The following HDLBP variants were observed in gnomAD, a reference collection of about 807,000 sequenced individuals.
HDLBP encodes the protein vigilin.
In HDLBP, 30 loss-of-function variants were observed where a neutral mutation model predicts 137.3. That is an observed-to-expected ratio of 0.22 (90% CI 0.16 to 0.30). The LOEUF (loss-of-function observed/expected upper bound fraction) is 0.30, where lower values mean the gene tolerates loss of function less well. HDLBP is among the 10% of genes least tolerant of loss of function. The pLI is 1.00. For missense variants in HDLBP, 1,119 were observed against 1,667.3 expected, an observed-to-expected ratio of 0.67 and a Z score of 5.73; for synonymous variants, 606 against 596.0, an observed-to-expected ratio of 1.02 and a Z score of -0.24.
Position 241,229,832 on chromosome 2 carries a change from CCTT to C in HDLBP, c.3718_3720del (p.Lys1240del), listed in dbSNP as rs1322969975. The C allele has an allele frequency of 2.1e-6, 3 of 1,419,174 alleles. No homozygotes were observed. Among genetic ancestry groups the C allele is most frequent in the South Asian group, 1.2e-5 (1 of 83,878 alleles). The allele number at this position is 1,419,174 out of a possible 1,614,324, so 87.9% of individuals were successfully genotyped here. ...CAGGAGGGCAGAAGCCCGCATCTGA[CCTT>C]CTCACTGCTGCTGGCGGTCCAGGGT... On this transcript the variant is annotated inframe_deletion and splice_region_variant, in exon 27 of 28. Coordinates refer to ENST00000310931, the MANE Select transcript of HDLBP (RefSeq NM_005336.6).
At position 241,229,870 on chromosome 2, in the gene HDLBP, A is replaced by G; in HGVS notation, c.3683T>C (p.Val1228Ala). ...EAKAPSRGFVVRDAPWTASSS... is the reference protein window; with the variant it reads ...EAKAPSRGFVARDAPWTASSS... ...GCTGGCGGTCCAGGGTGCGTCCCGC[A>G]CCACAAAGCCTCTGGAAGGTGCCTT... Residue 1228 changes from valine to alanine, a missense_variant, in exon 27 of 28, where the codon GTG (valine) becomes GCG (alanine). This residue lies in a region of HDLBP where 618 missense variants were observed against 816.7 expected (regional missense o/e 0.76). Coordinates refer to ENST00000310931, the MANE Select transcript of HDLBP (RefSeq NM_005336.6). 1.4e-6 allele frequency: 2 copies of G among 1,440,194 alleles called. No homozygotes were observed. The highest frequency in any genetic ancestry group is 1.5e-5 in the African/African-American group (1 of 67,586). 89.2% of individuals were successfully genotyped at this position (1,440,194 alleles called of 1,614,324 possible).
Position 241,229,906 on chromosome 2 carries a change from T to C in HDLBP, c.3647A>G (p.His1216Arg). ...ALQVYMKPPA[H>R]EEAKAPSRGF... is the part of the protein sequence containing the mutation. ...TCTGGAAGGTGCCTTGGCCTCTTCG[T>C]GTGCTGGGGGTTTCATGTATACCTG... is the stretch of plus-strand genomic sequence containing the variant. Residue 1216 changes from histidine to arginine, a missense_variant, in exon 27 of 28, where the codon CAC (histidine) becomes CGC (arginine). Around this residue, in one of 4 missense-constraint regions of HDLBP, gnomAD observed 618 missense variants for 816.7 expected, o/e 0.76. Transcript: ENST00000310931. 6.3e-7 allele frequency: 1 copy of C among 1,599,548 alleles called. No individual in the cohort carries two copies. Among genetic ancestry groups the C allele is most frequent in the South Asian group, 1.1e-5 (1 of 89,102 alleles).
Position 241,231,187 on chromosome 2 carries a change from C to T in HDLBP, c.3289-243G>A. 4.6e-6 allele frequency: 2 copies of T among 430,634 alleles called. 1 individual carries two copies. Among genetic ancestry groups the T allele is most frequent in the South Asian group, 5.6e-5 (2 of 35,984 alleles). The allele number at this position is 430,634 out of a possible 1,614,324, so 26.7% of individuals were successfully genotyped here. A position where few individuals can be genotyped will look rare whatever the true frequency, so the allele number is the denominator to read the frequency against. On this transcript the variant is annotated intron_variant, in intron 24 of 27. Coordinates refer to ENST00000310931, the MANE Select transcript of HDLBP (RefSeq NM_005336.6). ...ATCACCTGAGGTCCGGAATTCGTGA[C>T]CAGCCTGACCAACATGGAGAAACCC...
At chr2:241,277,924 G>T (rs1053884893) in intron 1 of HDLBP, among the ~76,000 whole-genome samples, 1 of 152,084 alleles carries the variant, frequency 6.6e-6, no homozygotes, top group Non-Finnish European at 1.5e-5. Flanking sequence ...CCACGCCATT[G>T]CACTCCAGTC....
At chr2:241,279,745 G>A (rs1261951727) in intron 1 of HDLBP, among the ~76,000 whole-genome samples, 2 of 152,180 alleles carry the variant, frequency 1.3e-5, no homozygotes, top group African/African-American at 4.8e-5. Context: ...CTCCACGAGC[G>A]AACGATCCCA....
chr2:241,293,387 G>A (rs2075068541), intron 1 of HDLBP, among the ~76,000 whole-genome samples: 1 of 152,088 alleles, frequency 6.6e-6, no homozygotes, highest in East Asian at 1.9e-4. Context: ...CCCAGCTACT[G>A]AGAGGCTGAG....
At chr2:241,314,437 C>T (rs768395867) in intron 1 of HDLBP, among the ~76,000 whole-genome samples, 11 of 152,144 alleles carry the variant, frequency 7.2e-5, no homozygotes, top group Admixed American at 1.3e-4. Flanking sequence ...AAGTGACTAT[C>T]CTTAAGCAGA....
At chr2:241,243,924 T>C (rs1867552) in intron 16 of HDLBP, among the ~76,000 whole-genome samples, 5,083 of 148,256 alleles carry the variant, frequency 0.034, 527 homozygotes, top group Admixed American at 0.19. Flanking sequence ...GAAAAGAAAA[T>C]AGAAAACCAC....
chr2:241,296,841 G>A (rs1011142935), intron 1 of HDLBP, among the ~76,000 whole-genome samples: 30 of 152,222 alleles, frequency 2.0e-4, no homozygotes, highest in African/African-American at 7.2e-4. Flanking sequence ...CTTCAAAAAT[G>A]CTACTCTCCA....
At chr2:241,242,237 A>T (rs1435692218) in intron 17 of HDLBP, among the ~76,000 whole-genome samples, 1 of 152,224 alleles carries the variant, frequency 6.6e-6, no homozygotes, top group Admixed American at 6.5e-5. Context: ...CCCAAAACTA[A>T]TAAGCCAAAG....
chr2:241,264,710 A>T, intron 3 of HDLBP, 105 bp from the exon 4 acceptor site: 1 of 1,150,674 alleles, frequency 8.7e-7, no homozygotes, highest in African/African-American at 1.5e-5. Context: ...AGAACCATCA[A>T]ATGCTCCAAG....
At chr2:241,277,747 A>C (rs1031196604) in intron 1 of HDLBP, among the ~76,000 whole-genome samples, 1 of 151,992 alleles carries the variant, frequency 6.6e-6, no homozygotes, top group African/African-American at 2.4e-5. Context: ...GGATCACCTG[A>C]GGTTGGGAGT....
At chr2:241,256,034 C>G in intron 7 of HDLBP, 150 bp downstream of exon 7, 1 of 690,156 alleles carries the variant, frequency 1.4e-6, no homozygotes. Context: ...GGGCACCGAT[C>G]TCACCCGGGT....
intron 1 of HDLBP, among the ~76,000 whole-genome samples, chr2:241,300,899 C>G (rs1294641967): frequency 1.3e-5 from 2 of 151,588 alleles, no homozygotes; most frequent in Non-Finnish European, 2.9e-5. Flanking sequence ...AGCCTTGTTT[C>G]AAAAGAAAAA....
intron 1 of HDLBP, among the ~76,000 whole-genome samples, chr2:241,288,080 G>A (rs1167443377): frequency 6.6e-6 from 1 of 152,160 alleles, no homozygotes; most frequent in African/African-American, 2.4e-5. Context: ...ATTATATGAG[G>A]CTCTTTACTT....
intron 1 of HDLBP, among the ~76,000 whole-genome samples, chr2:241,300,838 C>A (rs1044625378): frequency 6.6e-5 from 10 of 152,142 alleles, no homozygotes; most frequent in African/African-American, 2.4e-4. Context: ...GAACTTGGGT[C>A]TCAGGGGCTG....
chr2:241,302,021 G>C (rs1226106031), intron 1 of HDLBP, among the ~76,000 whole-genome samples: 2 of 151,268 alleles, frequency 1.3e-5, no homozygotes, highest in Non-Finnish European at 2.9e-5. Context: ...GCTTGAGGTC[G>C]GAAGTTCAAG....
rs781172985 is a variant in HDLBP, at chr2:241,242,694, GGGCAGGAGGAGGAAGTCACATTTTTGT to G, written c.1951-43_1951-17del. 180 of 1,605,600 alleles carry G rather than the reference GGGCAGGAGGAGGAAGTCACATTTTTGT, an allele frequency of 1.1e-4. No individual in the cohort carries two copies. The highest frequency in any genetic ancestry group is 5.1e-4 in the South Asian group (46 of 90,306). On this transcript the variant is annotated splice_polypyrimidine_tract_variant and intron_variant, in intron 16 of 27. Transcript: ENST00000310931. ...CTATGTTGGCCTGAAACCAAACACAGGGCAGGAGGAGGAAGTCACATTTTTGTGGCAAAAAGGGCAGAGGAAAAGATA... is the reference window on the plus strand; with the variant it reads ...CTATGTTGGCCTGAAACCAAACACAGGGCAAAAAGGGCAGAGGAAAAGATA...
intron 1 of HDLBP, among the ~76,000 whole-genome samples, chr2:241,310,654 TAGAGAG>T (rs34604215): frequency 8.3e-4 from 126 of 151,644 alleles, no homozygotes; most frequent in African/African-American, 2.9e-3. Context: ...AGTAGAATTC[TAGAGAG>T]AGAGAGAGAA....
Sources: allele counts gnomAD v4.1 joint callset (sites outside exome capture counted in the v4.1 genomes callset), GRCh38; gene constraint gnomAD v4.1.1; regional missense constraint gnomAD v4.1.1; transcripts MANE v1.5; gene names NCBI Gene and HGNC (gene_info 2026-07-23, HGNC 2026-07-21).